The following HOOK3 variants were observed in gnomAD, a reference collection of about 807,000 sequenced individuals.
The protein encoded by HOOK3 is protein Hook homolog 3.
HOOK3 carries 24 observed loss-of-function variants against 116.3 expected under a neutral mutation model. That is an observed-to-expected ratio of 0.21 (90% CI 0.15 to 0.29). HOOK3 has a LOEUF of 0.29. Among genes scored for constraint, HOOK3 ranks in the 10% least tolerant of loss-of-function variants. The pLI is 1.00. For missense variants in HOOK3, 632 were observed against 830.2 expected (o/e 0.76, Z 2.93); for synonymous variants, 275 against 283.0 (o/e 0.97, Z 0.28).
At chr8:42,940,760 G>C (rs1459916847) in intron 4 of HOOK3, among the ~76,000 whole-genome samples, 2 of 152,006 alleles carry the variant, frequency 1.3e-5, no homozygotes, top group Admixed American at 1.3e-4. Flanking sequence ...TATCTTTGTG[G>C]TGTTTTCTAT....
chr8:42,921,161 GT>G (rs77756409), intron 2 of HOOK3, among the ~76,000 whole-genome samples: 292 of 143,856 alleles, frequency 2.0e-3, no homozygotes, highest in South Asian at 4.2e-3. Context: ...ACATTTTAAA[GT>G]TTTTTTTTTT....
rs565156912 is a variant in HOOK3 at position 43,009,129 on chromosome 8, C to T, written c.1739-1176C>T. ...CACAAAAAAGAAAGAAGGCCAGCAA[C>T]GGTGGCTCACTCCTGTAATCCTAGC... On this transcript the variant is annotated intron_variant, in intron 18 of 21. Transcript: ENST00000307602. Among the ~76,000 whole-genome samples, 5 of 151,424 alleles carry T rather than the reference C, an allele frequency of 3.3e-5. No homozygotes were observed. In the South Asian group the frequency reaches 6.3e-4, roughly 19 times the overall value.
chr8:43,012,287 G>T (rs1809628305), intron 19 of HOOK3, among the ~76,000 whole-genome samples: 5 of 152,204 alleles, frequency 3.3e-5, no homozygotes, highest in Admixed American at 2.0e-4. Context: ...ATGGTATGGA[G>T]TATTGCTTCT....
intron 4 of HOOK3, among the ~76,000 whole-genome samples, chr8:42,938,217 C>CTTTT (rs145868661): frequency 7.6e-6 from 1 of 132,294 alleles, no homozygotes; most frequent in African/African-American, 2.9e-5. Flanking sequence ...GCAACCCCTG[C>CTTTT]TTTTTTTTTT....
chr8:42,991,394 C>CT (rs564333836), intron 15 of HOOK3, among the ~76,000 whole-genome samples: 2,382 of 129,576 alleles, frequency 0.018, 31 homozygotes, highest in South Asian at 0.033. Context: ...TAGTATGGAC[C>CT]TTTTTTTTTT....
intron 13 of HOOK3, among the ~76,000 whole-genome samples, chr8:42,980,225 T>TGTG (rs1353621217): frequency 5.9e-5 from 9 of 152,092 alleles, no homozygotes; most frequent in Non-Finnish European, 1.2e-4. Flanking sequence ...AGTGCTGGGA[T>TGTG]TACAGGTGTG....
chr8:42,997,625 A>G lies in HOOK3; in HGVS notation c.1608A>G (p.Ser536=). Residue 536 remains serine (S), a synonymous_variant, in exon 16 of 22, where the codon TCA becomes TCG. Coordinates refer to ENST00000307602, the MANE Select transcript of HOOK3 (RefSeq NM_032410.4). ...AAAAATCTTTACAGGATCAAGGCTC[A>G]AAAGCAGAAGATGTAAGTTTTAATA... The part of the protein sequence containing the change: ...ELQKSLQDQG[S]KAEDSVLLKK... 6.3e-7 allele frequency: 1 copy of G among 1,591,754 alleles called. No homozygotes were observed. Among genetic ancestry groups the G allele is most frequent in the Non-Finnish European group, 8.6e-7 (1 of 1,159,964 alleles).
At chr8:42,903,040 G>T (rs1404931804) in intron 1 of HOOK3, among the ~76,000 whole-genome samples, 2 of 152,180 alleles carry the variant, frequency 1.3e-5, no homozygotes, top group African/African-American at 4.8e-5. Flanking sequence ...TTACTAATGA[G>T]CAGGCAGCTG....
At chr8:42,916,195 G>A (rs1380048616) in intron 2 of HOOK3, among the ~76,000 whole-genome samples, 3 of 152,086 alleles carry the variant, frequency 2.0e-5, no homozygotes, top group Admixed American at 6.6e-5. Context: ...TAATATTGCC[G>A]CCGCCTCTTA....
intron 21 of HOOK3, among the ~76,000 whole-genome samples, chr8:43,016,948 A>C (rs1809728366): frequency 6.6e-6 from 1 of 152,162 alleles, no homozygotes; most frequent in Admixed American, 6.5e-5. Flanking sequence ...CCAAGGTGGG[A>C]GGATCTCTTG....
chr8:42,998,128 A>G (rs708190), intron 16 of HOOK3: 131,214 of 174,072 alleles, frequency 0.75, 50,825 homozygotes, highest in African/African-American at 0.94. Flanking sequence ...AGCACTCTGC[A>G]TCTCTGTCAC....
chr8:42,921,127 A>C (rs1807647872), intron 2 of HOOK3, among the ~76,000 whole-genome samples: 2 of 151,326 alleles, frequency 1.3e-5, no homozygotes, highest in Non-Finnish European at 2.9e-5. Context: ...AACCTTGGAG[A>C]TCTTGGAGTA....
At chr8:42,997,485 C>A in intron 15 of HOOK3, 65 bp from the exon 16 acceptor site, 4 of 936,708 alleles carry the variant, frequency 4.3e-6, no homozygotes, top group Non-Finnish European at 6.7e-6. Flanking sequence ...ACTAATATGA[C>A]AACCTAGGGA....
At chr8:42,914,983 T>G (rs1807502991) in intron 2 of HOOK3, among the ~76,000 whole-genome samples, 1 of 152,120 alleles carries the variant, frequency 6.6e-6, no homozygotes, top group African/African-American at 2.4e-5. Flanking sequence ...ATTCCAGAGA[T>G]GTATAGAAAT....
chr8:42,923,787 A>G (rs1005098272), intron 2 of HOOK3, among the ~76,000 whole-genome samples: 3 of 152,212 alleles, frequency 2.0e-5, no homozygotes, highest in Non-Finnish European at 4.4e-5. Context: ...TGTGTACTGT[A>G]AATGGGTAAA....
In HOOK3 at chr8:43,026,744, G is replaced by C. The variant is rs1809939231; in HGVS notation, c.*8246G>C. 1 of 228,046 alleles carries C rather than the reference G, an allele frequency of 4.4e-6. No homozygotes were observed. The highest frequency in any genetic ancestry group is 5.7e-5 in the Admixed American group (1 of 17,596). 14.1% of individuals were successfully genotyped at this position (228,046 alleles called of 1,614,324 possible). ...AAAAGACAGGAAAGCCAAGTTCTGG[G>C]AGCTGTCAAGTCGGAGGATCAGGAA... On this transcript the variant is annotated 3_prime_UTR_variant, in exon 22 of 22. Transcript: ENST00000307602.
At chr8:42,967,567 C>T (rs528482196) in intron 10 of HOOK3, among the ~76,000 whole-genome samples, 14 of 152,218 alleles carry the variant, frequency 9.2e-5, no homozygotes, top group East Asian at 7.8e-4. Flanking sequence ...CACATGCACA[C>T]GCGCATTTAG....
chr8:42,916,033 C>A (rs1807526304), intron 2 of HOOK3, among the ~76,000 whole-genome samples: 1 of 152,178 alleles, frequency 6.6e-6, no homozygotes, highest in South Asian at 2.1e-4. Flanking sequence ...CCTGGCTCAT[C>A]CCAGGCCCAC....
chr8:42,990,367 A>C (rs1280597126), intron 15 of HOOK3, among the ~76,000 whole-genome samples: 1 of 58,800 alleles, frequency 1.7e-5, no homozygotes, highest in African/African-American at 5.4e-5. Flanking sequence ...TTTTTTGAGG[A>C]TCTCACTCCT....
Sources: allele counts gnomAD v4.1 joint callset (sites outside exome capture counted in the v4.1 genomes callset), GRCh38; gene constraint gnomAD v4.1.1; transcripts MANE v1.5; gene names NCBI Gene and HGNC (gene_info 2026-07-23, HGNC 2026-07-21).